NAA11: variants seen among roughly 807,000 people sequenced by gnomAD.
The protein encoded by NAA11 is N-alpha-acetyltransferase 11.
NAA11 carries 15 observed loss-of-function variants against 16.1 expected under a neutral mutation model. The ratio of observed to expected loss-of-function variants is 0.93; its 90% CI spans 0.62 to 1.44. NAA11 has a LOEUF of 1.44. NAA11 is among the 40% of genes most tolerant of loss of function. NAA11 has a pLI of 0.00. For synonymous variants in NAA11, 122 were observed against 112.4 expected, an observed-to-expected ratio of 1.09 and a Z score of -0.54; for missense variants, 298 against 291.3, an observed-to-expected ratio of 1.02 and a Z score of -0.17.
Position 79,325,315 on chromosome 4 carries a change from G to A in NAA11, c.563C>T (p.Ser188Phe), listed in dbSNP as rs1177269490. ...QETQGSTLSD[S>F]EEACQQKNPA... Reference sequence around the variant, plus strand: ...GTTCTTTTGCTGACAGGCCTCTTCAGAATCAGAAAGTGTGCTGCCCTGGGT... The same window carrying A: ...GTTCTTTTGCTGACAGGCCTCTTCAAAATCAGAAAGTGTGCTGCCCTGGGT... Residue 188 changes from serine (S) to phenylalanine (F), a missense_variant, in exon 1 of 2, where the codon TCT becomes TTT. Transcript: ENST00000286794. 6.2e-7 allele frequency: 1 copy of A among 1,613,924 alleles called. No homozygotes were observed.
At chr4:79,303,896 A>T (rs1431434244) in intron 1 of NAA11, among the ~76,000 whole-genome samples, 1 of 152,012 alleles carries the variant, frequency 6.6e-6, no homozygotes, top group Admixed American at 6.6e-5. Context: ...ATCTCCACAC[A>T]TTTTCTGACC....
At chr4:79,289,820 A>G (rs543862349) in intron 2 of NAA11, among the ~76,000 whole-genome samples, 1 of 152,288 alleles carries the variant, frequency 6.6e-6, no homozygotes, top group Admixed American at 6.5e-5. Flanking sequence ...ACGATTGAAG[A>G]TATCTGCTTG....
chr4:79,162,853 G>A, the NAA11 span, among the ~76,000 whole-genome samples: 1 of 152,068 alleles, frequency 6.6e-6, no homozygotes, highest in African/African-American at 2.4e-5. Context: ...GAGGCAACAT[G>A]GTAGTGTCCA....
At chr4:79,243,040 T>G (rs1721729248) in intron 2 of NAA11, among the ~76,000 whole-genome samples, 1 of 152,220 alleles carries the variant, frequency 6.6e-6, no homozygotes, top group African/African-American at 2.4e-5. Flanking sequence ...GTTAAATGCT[T>G]CTTTCGGTTA....
At chr4:79,191,850 A>T in the NAA11 span, among the ~76,000 whole-genome samples, 2 of 152,160 alleles carry the variant, frequency 1.3e-5, no homozygotes, top group African/African-American at 4.8e-5. Flanking sequence ...TCTTGAGTTA[A>T]TTATTGTATA....
chr4:79,167,152 A>ATATATATATG, the NAA11 span, among the ~76,000 whole-genome samples: 1 of 72,502 alleles, frequency 1.4e-5, no homozygotes, highest in African/African-American at 5.0e-5. Context: ...ATATATATAT[A>ATATATATATG]TATGTATATG....
intron 2 of NAA11, among the ~76,000 whole-genome samples, chr4:79,262,061 G>A (rs1340911123): frequency 1.3e-5 from 2 of 151,948 alleles, no homozygotes; most frequent in African/African-American, 4.8e-5. Context: ...ATAATGGTGT[G>A]GACTGAAAGT....
At position 79,325,617 on chromosome 4, in the gene NAA11, G is replaced by T. The variant is rs1376891189; in HGVS notation, c.261C>A (p.Ala87=). The change falls in exon 1 of 2, where the codon GCC becomes GCA. Residue 87 remains alanine, a synonymous_variant. Coordinates refer to ENST00000286794, the MANE Select transcript of NAA11 (RefSeq NM_032693.3). ...VKRSHRRLGL[A]QKLMDQASRA... ...TGGAGGCCTGGTCCATCAGCTTCTG[G>T]GCCAGGCCGAGGCGCCGGTGTGAAC... 5 of 1,613,914 alleles carry T rather than the reference G, an allele frequency of 3.1e-6. No homozygotes were observed. Among genetic ancestry groups the T allele is most frequent in the Admixed American group, 1.7e-5 (1 of 60,006 alleles).
the NAA11 span, among the ~76,000 whole-genome samples, chr4:79,189,071 G>A: frequency 6.9e-6 from 1 of 145,902 alleles, no homozygotes. Context: ...GCGTGAACCC[G>A]GGAGGCGGAG....
the NAA11 span, among the ~76,000 whole-genome samples, chr4:79,191,472 T>C: frequency 6.6e-6 from 1 of 152,206 alleles, no homozygotes; most frequent in Non-Finnish European, 1.5e-5. Flanking sequence ...TGGCTGCATG[T>C]ATGTATTCTT....
intron 2 of NAA11, among the ~76,000 whole-genome samples, chr4:79,234,520 G>A (rs1445239220): frequency 2.0e-5 from 3 of 152,088 alleles, no homozygotes; most frequent in Admixed American, 1.3e-4. Flanking sequence ...AGACACCTTT[G>A]TTTTTGGGTT....
At chr4:79,246,448 A>G (rs949503985) in intron 2 of NAA11, among the ~76,000 whole-genome samples, 17 of 151,880 alleles carry the variant, frequency 1.1e-4, no homozygotes, top group African/African-American at 4.1e-4. Context: ...TACTCCAAAT[A>G]TTAATTTAAA....
At chr4:79,237,021 T>C (rs1423067776) in intron 2 of NAA11, among the ~76,000 whole-genome samples, 1 of 152,160 alleles carries the variant, frequency 6.6e-6, no homozygotes, top group Non-Finnish European at 1.5e-5. Flanking sequence ...ATACCATCAA[T>C]CTGCCTGACT....
downstream of NAA11, among the ~76,000 whole-genome samples, chr4:79,221,215 C>T (rs1274211453): frequency 6.6e-6 from 1 of 151,634 alleles, no homozygotes; most frequent in Non-Finnish European, 1.5e-5. Flanking sequence ...GATTTTTGTA[C>T]ATTGATTTTG....
chr4:79,246,190 G>A (rs1266179138), intron 2 of NAA11, among the ~76,000 whole-genome samples: 2 of 152,094 alleles, frequency 1.3e-5, no homozygotes, highest in Non-Finnish European at 2.9e-5. Context: ...CTGGTTAAGA[G>A]TCATCACCAC....
At chr4:79,266,433 A>T (rs1345251731) in intron 2 of NAA11, among the ~76,000 whole-genome samples, 1 of 152,186 alleles carries the variant, frequency 6.6e-6, no homozygotes, top group Non-Finnish European at 1.5e-5. Flanking sequence ...CTGCCTGAAG[A>T]GAGACAAAAG....
chr4:79,244,508 A>G (rs1454029571), intron 2 of NAA11, among the ~76,000 whole-genome samples: 1 of 152,290 alleles, frequency 6.6e-6, no homozygotes, highest in East Asian at 1.9e-4. Flanking sequence ...TCCCATCACT[A>G]TGTTTCCAAG....
At chr4:79,218,129 T>A in the NAA11 span, among the ~76,000 whole-genome samples, 1 of 152,230 alleles carries the variant, frequency 6.6e-6, no homozygotes, top group East Asian at 1.9e-4. Context: ...CCAGAAAGAT[T>A]GAGTTGTCAA....
intron 2 of NAA11, among the ~76,000 whole-genome samples, chr4:79,237,896 A>G (rs1319054658): frequency 6.6e-6 from 1 of 152,216 alleles, no homozygotes; most frequent in East Asian, 1.9e-4. Context: ...ATCAATGCAT[A>G]TGTGTATATG....
Sources: allele counts gnomAD v4.1 joint callset (sites outside exome capture counted in the v4.1 genomes callset), GRCh38; gene constraint gnomAD v4.1.1; transcripts MANE v1.5; gene names NCBI Gene and HGNC (gene_info 2026-07-23, HGNC 2026-07-21).